KLHDC10: variants seen among roughly 807,000 people sequenced by gnomAD.
KLHDC10 encodes the protein kelch domain-containing protein 10.
KLHDC10 carries 24 observed loss-of-function variants against 56.1 expected under a neutral mutation model. The observed-to-expected ratio is 0.43, with a 90% CI of 0.31 to 0.60. KLHDC10 has a LOEUF of 0.60. KLHDC10 is among the 20% of genes least tolerant of loss of function. The pLI, the probability that KLHDC10 is intolerant of heterozygous loss-of-function variation, is 0.11. For synonymous variants in KLHDC10, 188 were observed against 207.1 expected (o/e 0.91, Z 0.79); for missense variants, 349 against 567.0 (o/e 0.62, Z 3.91).
At chr7:130,117,071 T>C (rs1198018162) in intron 3 of KLHDC10, among the ~76,000 whole-genome samples, 1 of 152,346 alleles carries the variant, frequency 6.6e-6, no homozygotes, top group Non-Finnish European at 1.5e-5. Context: ...ACAACATTTT[T>C]GGTTTCCTAG....
At chr7:130,108,556 C>A (rs866984524) in intron 2 of KLHDC10, among the ~76,000 whole-genome samples, 1,153 of 85,586 alleles carry the variant, frequency 0.013, 43 homozygotes, top group East Asian at 0.071. Flanking sequence ...ACCAAATATC[C>A]AAAAAAAAAA....
chr7:130,125,411 CG>C, intron 6 of KLHDC10, among the ~76,000 whole-genome samples: 2 of 152,078 alleles, frequency 1.3e-5, no homozygotes, highest in East Asian at 3.9e-4. Flanking sequence ...GGCGTGTTGG[CG>C]GGCACCTGTA....
intron 2 of KLHDC10, among the ~76,000 whole-genome samples, chr7:130,112,395 T>C (rs1486432649): frequency 1.4e-4 from 21 of 152,328 alleles, no homozygotes; most frequent in Non-Finnish European, 2.9e-5. Flanking sequence ...GGATATTAAG[T>C]GTTTACCTGT....
intron 1 of KLHDC10, among the ~76,000 whole-genome samples, chr7:130,076,048 G>T (rs1166592053): frequency 6.6e-6 from 1 of 152,076 alleles, no homozygotes; most frequent in Non-Finnish European, 1.5e-5. Flanking sequence ...GGGATGGTGG[G>T]GTGGAGGAGT....
chr7:130,115,735 A>AG (rs1796158829), intron 2 of KLHDC10, among the ~76,000 whole-genome samples: 2 of 150,932 alleles, frequency 1.3e-5, no homozygotes, highest in African/African-American at 4.9e-5. Flanking sequence ...AAAAAAAAAA[A>AG]GTTGATATAA....
chr7:130,124,905 T>A (rs150052945), intron 6 of KLHDC10, among the ~76,000 whole-genome samples: 117 of 152,310 alleles, frequency 7.7e-4, no homozygotes, highest in African/African-American at 2.4e-3. Flanking sequence ...AGAACAGGCT[T>A]GTTTAGGGTT....
At chr7:130,100,170 A>G (rs1424191137) in intron 2 of KLHDC10, among the ~76,000 whole-genome samples, 4 of 152,112 alleles carry the variant, frequency 2.6e-5, no homozygotes, top group African/African-American at 4.8e-5. Flanking sequence ...AATTAGATGT[A>G]GATTTTAGGC....
Position 130,130,811 on chromosome 7 carries a change from A to G in KLHDC10, c.*65A>G. ...TAAAGAGACTCCTTTATTTATGGGC[A>G]GTGTAGAATGTGCTACAAAGAGGAT... On this transcript the variant is annotated 3_prime_UTR_variant, in exon 10 of 10. Coordinates refer to ENST00000335420, the MANE Select transcript of KLHDC10 (RefSeq NM_014997.4). This position sits in a 1 kb window ranked among gnomAD's most constrained non-coding sequence, Gnocchi z 4.2. 2.0e-6 allele frequency: 3 copies of G among 1,467,486 alleles called. No individual in the cohort carries two copies. The South Asian group carries it at 3.4e-5, about 17-fold the overall frequency. 90.9% of individuals were successfully genotyped at this position (1,467,486 alleles called of 1,614,324 possible). A position where few individuals can be genotyped will look rare whatever the true frequency, so the allele number is the denominator to read the frequency against.
intron 2 of KLHDC10, among the ~76,000 whole-genome samples, chr7:130,103,011 CCTACAG>C (rs1795954938): frequency 6.6e-6 from 1 of 152,080 alleles, no homozygotes; most frequent in South Asian, 2.1e-4. Context: ...ATAAAGAAGA[CCTACAG>C]ATAGAAAGTA....
At chr7:130,078,412 A>T (rs1261003638) in intron 1 of KLHDC10, among the ~76,000 whole-genome samples, 2 of 152,090 alleles carry the variant, frequency 1.3e-5, no homozygotes, top group Non-Finnish European at 1.5e-5. Flanking sequence ...TAAAATAGAG[A>T]TGGAGTCTTG....
intron 8 of KLHDC10, among the ~76,000 whole-genome samples, chr7:130,128,892 ATAT>A (rs1563107670): frequency 0.033 from 1,967 of 58,882 alleles, 109 homozygotes; most frequent in Non-Finnish European, 0.05. Context: ...AAAAAAAAAT[ATAT>A]ATATATATAT....
chr7:130,104,182 G>T (rs780821091), intron 2 of KLHDC10, among the ~76,000 whole-genome samples: 1 of 152,208 alleles, frequency 6.6e-6, no homozygotes, highest in African/African-American at 2.4e-5. Context: ...TCTTTACATT[G>T]AGAAAGCTGA....
chr7:130,130,153 T>TAAAAATAC lies in KLHDC10; in HGVS notation c.1120-378_1120-371dup, dbSNP rs1796378555. Among the ~76,000 whole-genome samples the TAAAAATAC allele has an allele frequency of 6.6e-6, 1 of 151,632 alleles. No homozygotes were observed. The highest frequency in any genetic ancestry group is 6.6e-5 in the Admixed American group (1 of 15,230). ...AACACGGATGAAACCCCATCTCTAC[T>TAAAAATAC]AAAAATACAAAAAAAAATTAGCCGG... On this transcript the variant is annotated intron_variant, in intron 9 of 9. Transcript: ENST00000335420. This position sits in a 1 kb window ranked among gnomAD's most constrained non-coding sequence, Gnocchi z 4.2.
intron 1 of KLHDC10, among the ~76,000 whole-genome samples, chr7:130,082,456 A>G (rs573981333): frequency 3.1e-4 from 47 of 152,344 alleles, no homozygotes; most frequent in African/African-American, 1.1e-3. Flanking sequence ...AATACTGTGT[A>G]AATAATTACT....
intron 2 of KLHDC10, among the ~76,000 whole-genome samples, chr7:130,107,664 C>T (rs554836493): frequency 4.8e-4 from 73 of 151,346 alleles, no homozygotes; most frequent in Non-Finnish European, 9.3e-4. Context: ...GCCAACATGA[C>T]GAAACCCAGT....
chr7:130,122,113 C>T lies in KLHDC10; in HGVS notation c.690C>T (p.Tyr230=). 2.5e-6 allele frequency: 4 copies of T among 1,613,974 alleles called. No individual in the cohort carries two copies. Among genetic ancestry groups the T allele is most frequent in the Non-Finnish European group, 3.4e-6 (4 of 1,179,890 alleles). The change falls in exon 5 of 10, where the codon TAC becomes TAT. Residue 230 remains tyrosine, a synonymous_variant. Coordinates refer to ENST00000335420, the MANE Select transcript of KLHDC10 (RefSeq NM_014997.4). The part of the protein sequence containing the change: ...YVFGGTTGYI[Y]STDLHKLDLN... ...TTGGAGGTACAACCGGCTATATTTA[C>T]AGCACAGACCTGCACAAGTTAGATC...
chr7:130,131,395 T>C lies in KLHDC10; in HGVS notation c.*649T>C, dbSNP rs1201161835. On this transcript the variant is annotated 3_prime_UTR_variant, in exon 10 of 10. Coordinates refer to ENST00000335420, the MANE Select transcript of KLHDC10 (RefSeq NM_014997.4). The stretch of plus-strand genomic sequence containing the variant: ...CAGCAACTCTTGGTTAGTGATTTCT[T>C]TCTCATCCTCATGGTGCCAGCAGTG... 6.6e-6 allele frequency: 1 copy of C among 152,434 alleles called. No homozygotes were observed. Among genetic ancestry groups the C allele is most frequent in the African/African-American group, 2.4e-5 (1 of 41,440 alleles). 9.4% of individuals were successfully genotyped at this position (152,434 alleles called of 1,614,324 possible). A position where few individuals can be genotyped will look rare whatever the true frequency, so the allele number is the denominator to read the frequency against.
At chr7:130,123,363 G>A (rs1323550876) in intron 5 of KLHDC10, among the ~76,000 whole-genome samples, 2 of 151,930 alleles carry the variant, frequency 1.3e-5, no homozygotes, top group East Asian at 1.9e-4. Flanking sequence ...CCAGCTACTC[G>A]GGAGGCTGAG....
intron 1 of KLHDC10, among the ~76,000 whole-genome samples, chr7:130,079,914 C>T (rs1198671328): frequency 1.1e-5 from 1 of 91,628 alleles, no homozygotes; most frequent in East Asian, 2.0e-4. Flanking sequence ...CCCTCCCTCC[C>T]TTCCTCCCTT....
Sources: allele counts gnomAD v4.1 joint callset (sites outside exome capture counted in the v4.1 genomes callset), GRCh38; gene constraint gnomAD v4.1.1; non-coding constraint Gnocchi (gnomAD v3.1); transcripts MANE v1.5; gene names NCBI Gene and HGNC (gene_info 2026-07-23, HGNC 2026-07-21).